XYLT1: variants seen among roughly 807,000 people sequenced by gnomAD.
The protein encoded by XYLT1 is beta-D-xylosyltransferase 1.
A neutral mutation model predicts 91.3 loss-of-function variants in XYLT1; 36 were observed. That is an observed-to-expected ratio of 0.39 (90% CI 0.30 to 0.52). The LOEUF (loss-of-function observed/expected upper bound fraction) is 0.52, where lower values mean the gene tolerates loss of function less well. XYLT1 is among the 20% of genes least tolerant of loss of function. XYLT1 has a pLI of 0.68. For synonymous variants in XYLT1, 588 were observed against 532.0 expected (o/e 1.11, Z -1.45); for missense variants, 1,242 against 1,284.5 (o/e 0.97, Z 0.51).
At chr16:17,340,286 G>A (rs1353279854) in intron 2 of XYLT1, among the ~76,000 whole-genome samples, 2 of 152,204 alleles carry the variant, frequency 1.3e-5, no homozygotes, top group African/African-American at 4.8e-5. Context: ...ACTCACTGTG[G>A]AAAGAGGTGA....
chr16:17,117,928 G>A lies in XYLT1; in HGVS notation c.2275C>T (p.Leu759Phe), dbSNP rs764969137. The A allele has an allele frequency of 1.2e-6, 2 of 1,614,004 alleles. No homozygotes were observed. Among genetic ancestry groups the A allele is most frequent in the Middle Eastern group, 1.6e-4 (1 of 6,062 alleles). ...ACCGGCTCATCCATGGGCCCCAGAA[G>A]ACCCCCAAAGTTGCGGAATAGCCTC... ...KERLFRNFGG[L>F]LGPMDEPVGM... The change falls in exon 11 of 12, where the codon CTT (leucine) becomes TTT (phenylalanine). Residue 759 changes from leucine to phenylalanine, a missense_variant. By Grantham distance (22) the Leu-to-Phe change is conservative. Coordinates refer to ENST00000261381, the MANE Select transcript of XYLT1 (RefSeq NM_022166.4).
At chr16:17,141,930 G>T (rs1235748797) in intron 6 of XYLT1, among the ~76,000 whole-genome samples, 1 of 152,126 alleles carries the variant, frequency 6.6e-6, no homozygotes, top group Non-Finnish European at 1.5e-5. Context: ...TTGAGACAGG[G>T]TCGTGTTCCG....
At chr16:17,327,859 G>C (rs924697764) in intron 2 of XYLT1, among the ~76,000 whole-genome samples, 1 of 152,044 alleles carries the variant, frequency 6.6e-6, no homozygotes, top group African/African-American at 2.4e-5. Context: ...CAAGATTAAA[G>C]TAACTAACAG....
intron 10 of XYLT1, among the ~76,000 whole-genome samples, chr16:17,122,574 C>CA (rs1342756747): frequency 6.6e-6 from 1 of 152,202 alleles, no homozygotes; most frequent in African/African-American, 2.4e-5. Context: ...TTTTGCCTTG[C>CA]AGAAACTTTT....
chr16:17,335,150 G>A (rs964035348), intron 2 of XYLT1, among the ~76,000 whole-genome samples: 1 of 151,484 alleles, frequency 6.6e-6, no homozygotes, highest in African/African-American at 2.4e-5. Context: ...AACTGAACGC[G>A]GGGACGTTGC....
At chr16:17,336,853 A>G (rs73523008) in intron 2 of XYLT1, among the ~76,000 whole-genome samples, 1,919 of 152,282 alleles carry the variant, frequency 0.013, 36 homozygotes, top group African/African-American at 0.044. Context: ...CAGTCCTAGA[A>G]AAAATGCTCA....
intron 5 of XYLT1, among the ~76,000 whole-genome samples, chr16:17,170,016 G>T (rs958911158): frequency 6.6e-6 from 1 of 152,150 alleles, no homozygotes; most frequent in Non-Finnish European, 1.5e-5. Context: ...CTTTCTTGCC[G>T]TTTGATTTTT....
chr16:17,198,270 T>A lies in XYLT1; in HGVS notation c.1231A>T (p.Met411Leu). ...YLQSMRDLLE[M>L]TDWPWDFFIN... ...AAGAAGTCCCAGGGCCAGTCGGTCA[T>A]CTCCAGGAGGTCCCGCATGCTCTGC... The change falls in exon 5 of 12, where the codon ATG becomes TTG. Residue 411 changes from methionine (M) to leucine (L), a missense_variant. By Grantham distance (15) the Met-to-Leu change is conservative. This residue lies in a region of XYLT1 where 294 missense variants were observed against 376.0 expected (regional missense o/e 0.78). Coordinates refer to ENST00000261381, the MANE Select transcript of XYLT1 (RefSeq NM_022166.4). The A allele has an allele frequency of 6.2e-7, 1 of 1,614,166 alleles. No individual in the cohort carries two copies. The highest frequency in any genetic ancestry group is 8.5e-7 in the Non-Finnish European group (1 of 1,180,016).
chr16:17,188,356 AG>A (rs1289727831), intron 5 of XYLT1, among the ~76,000 whole-genome samples: 1 of 152,174 alleles, frequency 6.6e-6, no homozygotes, highest in Non-Finnish European at 1.5e-5. Context: ...GGACATCTCA[AG>A]TGCCCACATG....
At chr16:17,125,807 C>T (rs897587628) in intron 10 of XYLT1, among the ~76,000 whole-genome samples, 1 of 152,178 alleles carries the variant, frequency 6.6e-6, no homozygotes. Context: ...TCCATGACCA[C>T]AGGGGCCTGG....
intron 2 of XYLT1, among the ~76,000 whole-genome samples, chr16:17,351,749 T>TGGGG (rs67167449): frequency 0.024 from 3,275 of 134,434 alleles, 181 homozygotes; most frequent in African/African-American, 0.069. Flanking sequence ...GCTTTTTTTT[T>TGGGG]GGGGGGGGGT....
intron 2 of XYLT1, among the ~76,000 whole-genome samples, chr16:17,266,100 G>A (rs1206086285): frequency 2.6e-5 from 4 of 152,156 alleles, no homozygotes; most frequent in Non-Finnish European, 4.4e-5. Flanking sequence ...GCTTCAAAGC[G>A]CATCCCGTCT....
At chr16:17,322,995 G>A (rs757564548) in intron 2 of XYLT1, among the ~76,000 whole-genome samples, 7 of 152,168 alleles carry the variant, frequency 4.6e-5, no homozygotes, top group African/African-American at 7.2e-5. Context: ...GTGCCAATCC[G>A]GTCCATTTCC....
Position 17,302,560 on chromosome 16 carries a change from C to T in XYLT1, c.403-43062G>A, listed in dbSNP as rs114518756. 3.8e-3 allele frequency among the ~76,000 whole-genome samples: 577 copies of T among 152,328 alleles called. 2 individuals are homozygous for T. Among genetic ancestry groups the T allele is most frequent in the African/African-American group, 0.013 (561 of 41,572 alleles). ...GGGACAGATTTGTTTTCCTTGATGG[C>T]AGCCAGAAAGCTCTTTGTCAAATCT... On this transcript the variant is annotated intron_variant, in intron 2 of 11. Coordinates refer to ENST00000261381, the MANE Select transcript of XYLT1 (RefSeq NM_022166.4).
chr16:17,138,891 G>C (rs1199147717), intron 7 of XYLT1, among the ~76,000 whole-genome samples: 2 of 152,100 alleles, frequency 1.3e-5, no homozygotes, highest in Non-Finnish European at 2.9e-5. Context: ...ACAAATCAAA[G>C]GGATTCAAGT....
intron 11 of XYLT1, among the ~76,000 whole-genome samples, chr16:17,114,896 G>A (rs1367748860): frequency 1.3e-5 from 2 of 152,054 alleles, no homozygotes; most frequent in Admixed American, 1.3e-4. Context: ...CCAGGCTGGA[G>A]TGCAGTGGCG....
At position 17,470,755 on chromosome 16, in the gene XYLT1, C is replaced by G. The variant is rs746520744; in HGVS notation, c.42G>C (p.Ser14=). 9.1e-7 allele frequency: 1 copy of G among 1,098,634 alleles called. No individual in the cohort carries two copies. Among genetic ancestry groups the G allele is most frequent in the Non-Finnish European group, 1.1e-6 (1 of 893,674 alleles). 68.1% of individuals were successfully genotyped at this position (1,098,634 alleles called of 1,614,324 possible). Residue 14 remains serine, a synonymous_variant, in exon 1 of 12, where the codon TCG becomes TCC. Transcript: ENST00000261381. ...TGAGCGCCGCGAGCAGCGCCGAGTG[C>G]GAGCGCCGGGCCAGCCTCCGGGCGC... ...APCARRLARR[S]HSALLAALTV...
chr16:17,460,070 C>T (rs1312892812), intron 1 of XYLT1, among the ~76,000 whole-genome samples: 1 of 152,198 alleles, frequency 6.6e-6, no homozygotes, highest in African/African-American at 2.4e-5. Context: ...GGGAGGGAGG[C>T]AGGCTTATTA....
In XYLT1 at chr16:17,134,651, A is replaced by G. The variant is rs747820515; in HGVS notation, c.1849T>C (p.Tyr617His). Reference sequence around the variant, plus strand: ...GGGGTACCTGCAGGGTAGTTCCCGTACAGGTAATAGTCCAGCTGCCCAATG... The same window carrying G: ...GGGGTACCTGCAGGGTAGTTCCCGTGCAGGTAATAGTCCAGCTGCCCAATG... Reference protein sequence around the residue: ...EIIGQLDYYLYGNYPAGTPGL... With the variant: ...EIIGQLDYYLHGNYPAGTPGL... The change falls in exon 9 of 12, where the codon TAC (tyrosine) becomes CAC (histidine). Residue 617 changes from tyrosine to histidine, a missense_variant. By Grantham distance (83) the Tyr-to-His change is moderately conservative. This residue lies in a region of XYLT1 where 511 missense variants were observed against 497.0 expected (regional missense o/e 1.03). Transcript: ENST00000261381. 1.2e-6 allele frequency: 2 copies of G among 1,614,212 alleles called. No homozygotes were observed. The highest frequency in any genetic ancestry group is 1.7e-6 in the Non-Finnish European group (2 of 1,180,026).
Sources: gnomAD v4.1 joint callset for allele counts (sites outside exome capture counted in the v4.1 genomes callset) on GRCh38, gnomAD v4.1.1 for gene constraint, gnomAD v4.1.1 regional missense constraint, MANE v1.5 for transcripts, NCBI Gene and HGNC (gene_info 2026-07-23, HGNC 2026-07-21) for gene names.